The following TTC7B variants were observed in gnomAD, a reference collection of about 807,000 sequenced individuals.
TTC7B encodes the protein tetratricopeptide repeat domain 7B, also known as tetratricopeptide repeat protein 7B.
Under a neutral mutation model 106.8 loss-of-function variants are expected in TTC7B, and 28 were observed. The ratio of observed to expected loss-of-function variants is 0.26; its 90% CI spans 0.19 to 0.36. TTC7B has a LOEUF of 0.36. Ranked by LOEUF, TTC7B falls within the 10% of genes least tolerant of loss-of-function variation. TTC7B has a pLI of 1.00. For synonymous variants in TTC7B, 405 were observed against 430.6 expected (o/e 0.94, Z 0.74); for missense variants, 862 against 1,076.4 (o/e 0.80, Z 2.79).
At chr14:90,584,090 C>T (rs1475640725) in intron 18 of TTC7B, among the ~76,000 whole-genome samples, 1 of 152,158 alleles carries the variant, frequency 6.6e-6, no homozygotes, top group Non-Finnish European at 1.5e-5. Context: ...CGCAAGTGTG[C>T]CAACCCTCCT....
intron 1 of TTC7B, among the ~76,000 whole-genome samples, chr14:90,789,862 C>G (rs371554149): frequency 1.3e-4 from 19 of 149,906 alleles, no homozygotes; most frequent in African/African-American, 4.7e-4. Flanking sequence ...CGCCACTGCA[C>G]TGCAGCCTGG....
At chr14:90,790,237 C>G (rs1891538990) in intron 1 of TTC7B, among the ~76,000 whole-genome samples, 1 of 151,242 alleles carries the variant, frequency 6.6e-6, no homozygotes, top group African/African-American at 2.4e-5. Flanking sequence ...TTTTTAAATT[C>G]TCATCTTTGT....
rs559822177 is a variant in TTC7B at position 90,650,233 on chromosome 14, T to C, written c.1517+2608A>G. Among the ~76,000 whole-genome samples the C allele has an allele frequency of 9.8e-5, 15 of 152,320 alleles. 1 individual carries two copies. Among genetic ancestry groups the C allele is most frequent in the Admixed American group, 9.8e-4 (15 of 15,308 alleles). On this transcript the variant is annotated intron_variant, in intron 13 of 19. Transcript: ENST00000328459. ...TTCTTGTCCAAGAACAGCCAGCAAA[T>C]GAGAGAAAGCCAGAACCTTGCTGCC... is the stretch of plus-strand genomic sequence containing the variant.
intron 17 of TTC7B, among the ~76,000 whole-genome samples, chr14:90,595,458 C>T (rs1459570674): frequency 3.9e-5 from 6 of 152,210 alleles, no homozygotes; most frequent in African/African-American, 4.8e-5. Flanking sequence ...TGTCTAACTA[C>T]TATTTTTTAA....
chr14:90,750,681 C>T (rs1351360417), intron 3 of TTC7B, among the ~76,000 whole-genome samples: 1 of 152,190 alleles, frequency 6.6e-6, no homozygotes, highest in Non-Finnish European at 1.5e-5. Context: ...TCTCAGCTGG[C>T]AAATTGATTC....
At chr14:90,718,833 C>A (rs556335669) in intron 5 of TTC7B, among the ~76,000 whole-genome samples, 2 of 73,656 alleles carry the variant, frequency 2.7e-5, no homozygotes, top group Admixed American at 1.2e-4. Flanking sequence ...TCTGTTCCCA[C>A]GCAAAATTGA....
intron 19 of TTC7B, among the ~76,000 whole-genome samples, chr14:90,576,957 G>A (rs1359412173): frequency 6.6e-6 from 1 of 152,266 alleles, no homozygotes; most frequent in East Asian, 1.9e-4. Context: ...GGACACTGAG[G>A]TGCTGAGAGC....
chr14:90,679,192 GC>G (rs1308916364), intron 8 of TTC7B, among the ~76,000 whole-genome samples: 1 of 152,190 alleles, frequency 6.6e-6, no homozygotes, highest in Non-Finnish European at 1.5e-5. Context: ...GAGGAAGTAA[GC>G]CCAATGACAC....
chr14:90,580,494 A>T (rs1452675962), intron 18 of TTC7B, among the ~76,000 whole-genome samples: 2 of 152,134 alleles, frequency 1.3e-5, no homozygotes, highest in Admixed American at 6.5e-5. Flanking sequence ...CACAGAGAAC[A>T]GCATCTCCTC....
At chr14:90,711,680 C>T (rs889221177) in intron 5 of TTC7B, among the ~76,000 whole-genome samples, 1 of 152,192 alleles carries the variant, frequency 6.6e-6, no homozygotes, top group Non-Finnish European at 1.5e-5. Flanking sequence ...CCTTTGCCCC[C>T]CAAAGTGCTG....
rs1595138305 is a variant in TTC7B, at chr14:90,535,364, A to G, written c.*6004T>C. The G allele has an allele frequency of 6.6e-6, 1 of 152,096 alleles. No homozygotes were observed. Among genetic ancestry groups the G allele is most frequent in the African/African-American group, 2.4e-5 (1 of 41,188 alleles). The allele number at this position is 152,096 out of a possible 1,614,324, so 9.4% of individuals were successfully genotyped here. On this transcript the variant is annotated 3_prime_UTR_variant, in exon 20 of 20. Coordinates refer to ENST00000328459, the MANE Select transcript of TTC7B (RefSeq NM_001010854.2). ...CCCTTCCTGGTCCATTCGCCACCCC[A>G]CCCTGCCCGAAGTTGGCTCCCTGCT...
chr14:90,608,487 C>T lies in TTC7B; in HGVS notation c.1966+2255G>A, dbSNP rs1001103223. On this transcript the variant is annotated intron_variant, in intron 17 of 19. Transcript: ENST00000328459. The surrounding 1 kb of genome is among the most constrained non-coding windows in gnomAD (Gnocchi z 5.1). ...GCAGTGCCTGGGAGGCTGTGGCTTC[C>T]CTGTTGTTGAGGAAGGGCATAGGAG... 5.9e-5 allele frequency among the ~76,000 whole-genome samples: 9 copies of T among 152,068 alleles called. No homozygotes were observed. The highest frequency in any genetic ancestry group is 2.0e-4 in the Admixed American group (3 of 15,262).
At chr14:90,803,021 T>G (rs1405348051) in intron 1 of TTC7B, among the ~76,000 whole-genome samples, 1 of 150,914 alleles carries the variant, frequency 6.6e-6, no homozygotes, top group Non-Finnish European at 1.5e-5. Flanking sequence ...CACACACCTG[T>G]AATCCCAGCT....
intron 9 of TTC7B, among the ~76,000 whole-genome samples, chr14:90,669,535 CAAA>C (rs35000807): frequency 1.1e-5 from 1 of 94,360 alleles, no homozygotes. Flanking sequence ...CTCGTCTCTA[CAAA>C]AAAAAAAAAA....
intron 5 of TTC7B, among the ~76,000 whole-genome samples, chr14:90,703,821 C>T: frequency 6.6e-6 from 1 of 152,190 alleles, no homozygotes; most frequent in Non-Finnish European, 1.5e-5. Flanking sequence ...CAGTGCTGCT[C>T]AGTTTGAGGC....
chr14:90,599,301 A>G (rs975051596), intron 17 of TTC7B, among the ~76,000 whole-genome samples: 2 of 151,398 alleles, frequency 1.3e-5, no homozygotes, highest in Non-Finnish European at 2.9e-5. Flanking sequence ...TGGTGGCCTC[A>G]GTTAAGTGGC....
At chr14:90,680,730 T>C (rs1481392090) in intron 7 of TTC7B, among the ~76,000 whole-genome samples, 195 bp from the exon 8 acceptor site, 1 of 152,184 alleles carries the variant, frequency 6.6e-6, no homozygotes. Context: ...TGCATTTTAG[T>C]GGTAGGCAGA....
At chr14:90,789,451 G>A (rs1055316497) in intron 1 of TTC7B, among the ~76,000 whole-genome samples, 3 of 152,064 alleles carry the variant, frequency 2.0e-5, no homozygotes, top group Admixed American at 6.5e-5. Context: ...GGCAGGGCTC[G>A]GTGGCTCATG....
At chr14:90,700,261 A>C (rs992685052) in intron 5 of TTC7B, among the ~76,000 whole-genome samples, 2 of 152,162 alleles carry the variant, frequency 1.3e-5, no homozygotes, top group Non-Finnish European at 2.9e-5. Flanking sequence ...TTTTTAAAGA[A>C]AAGTTCCAGG....
Sources: allele counts gnomAD v4.1 joint callset (sites outside exome capture counted in the v4.1 genomes callset), GRCh38; gene constraint gnomAD v4.1.1; non-coding constraint Gnocchi (gnomAD v3.1); transcripts MANE v1.5; gene names NCBI Gene and HGNC (gene_info 2026-07-23, HGNC 2026-07-21).